Variants in BEGAIN observed in about 807,000 individuals in gnomAD.
BEGAIN encodes the protein brain enriched guanylate kinase associated, also known as brain-enriched guanylate kinase-associated protein.
In BEGAIN, 19 loss-of-function variants were observed where a neutral mutation model predicts 35.8. That is an observed-to-expected ratio of 0.53 (90% CI 0.37 to 0.78). The LOEUF (loss-of-function observed/expected upper bound fraction) is 0.78. Ranked by LOEUF, BEGAIN falls within the 30% of genes least tolerant of loss-of-function variation. The pLI, the probability that BEGAIN is intolerant of heterozygous loss-of-function variation, is 0.00. For synonymous variants in BEGAIN, 462 were observed against 388.6 expected (o/e 1.19, Z -2.22); for missense variants, 795 against 853.6 (o/e 0.93, Z 0.85).
chr14:100,553,673 C>T (rs549696241), intron 2 of BEGAIN, among the ~76,000 whole-genome samples: 51 of 152,270 alleles, frequency 3.3e-4, no homozygotes, highest in African/African-American at 1.2e-3. Context: ...TGCTCAGATG[C>T]CACCTCTTCC....
At chr14:100,550,363 T>C in intron 2 of BEGAIN, 1 of 398,934 alleles carries the variant, frequency 2.5e-6, no homozygotes, top group Non-Finnish European at 4.4e-6. Context: ...ACGGGACAGA[T>C]GTCTGGGGAC....
Position 100,538,226 on chromosome 14 carries a change from G to A in BEGAIN, c.1582C>T (p.Pro528Ser). ...TCGCTGGGTGCATAGCCGGGCAGTG[G>A]GTCAGCCGAGCGGCCGGGACTGAGG... The part of the protein sequence containing the change: ...LSLSPGRSAD[P>S]LPGYAPSEGG... The change falls in exon 7 of 7, where the codon CCA (proline) becomes TCA (serine). Residue 528 changes from proline (P) to serine (S), a missense_variant. Transcript: ENST00000554140. 1 of 1,568,146 alleles carries A rather than the reference G, an allele frequency of 6.4e-7. No individual in the cohort carries two copies. The highest frequency in any genetic ancestry group is 8.6e-7 in the Non-Finnish European group (1 of 1,163,478).
intron 2 of BEGAIN, among the ~76,000 whole-genome samples, chr14:100,550,883 C>G (rs1267950823): frequency 6.6e-6 from 1 of 152,176 alleles, no homozygotes; most frequent in African/African-American, 2.4e-5. Flanking sequence ...GTCAGTTGTT[C>G]CCTGCAGAGC....
intron 2 of BEGAIN, among the ~76,000 whole-genome samples, chr14:100,552,672 G>T (rs1345485075): frequency 6.6e-6 from 1 of 152,228 alleles, no homozygotes; most frequent in Non-Finnish European, 1.5e-5. Context: ...CGTGGAAGGG[G>T]GAATGAGCCA....
intron 1 of BEGAIN, chr14:100,577,579 C>G: frequency 5.0e-6 from 2 of 399,082 alleles, no homozygotes; most frequent in Non-Finnish European, 8.8e-6. Context: ...CTCCAGGGTC[C>G]CAGGGTCCAG....
At chr14:100,571,091 C>T (rs559956656) in intron 1 of BEGAIN, among the ~76,000 whole-genome samples, 6 of 152,292 alleles carry the variant, frequency 3.9e-5, no homozygotes, top group East Asian at 1.9e-4. Context: ...CCTCATGGCA[C>T]AGTCCTTCCC....
chr14:100,544,946 C>T (rs980903953), intron 4 of BEGAIN, 54 bp downstream of exon 4: 31 of 1,572,948 alleles, frequency 2.0e-5, no homozygotes, highest in Non-Finnish European at 2.3e-5. Context: ...CTGGGTGGCT[C>T]CCCCCGGGAA....
At chr14:100,559,741 G>A (rs551185464) in intron 2 of BEGAIN, among the ~76,000 whole-genome samples, 3 of 152,276 alleles carry the variant, frequency 2.0e-5, no homozygotes, top group Non-Finnish European at 2.9e-5. Flanking sequence ...CCCCCTCCAC[G>A]CCCTGGGTCT....
chr14:100,568,428 C>T lies in BEGAIN; in HGVS notation c.43-489G>A. On this transcript the variant is annotated intron_variant, in intron 1 of 6. Coordinates refer to ENST00000554140, the MANE Select transcript of BEGAIN (RefSeq NM_001385089.1). The surrounding 1 kb of genome is among the most constrained non-coding windows in gnomAD (Gnocchi z 7.5). ...GGGAATTCGGGGCCGTGCAGGATTG[C>T]AGAACCTGACACTCACACAATCCGA... 1 of 1,281,904 alleles carries T rather than the reference C, an allele frequency of 7.8e-7. No homozygotes were observed. The highest frequency in any genetic ancestry group is 1.3e-5 in the South Asian group (1 of 79,950). 79.4% of individuals were successfully genotyped at this position (1,281,904 alleles called of 1,614,324 possible).
At position 100,568,336 on chromosome 14, in the gene BEGAIN, G is replaced by C; in HGVS notation, c.43-397C>G. On this transcript the variant is annotated intron_variant, in intron 1 of 6. Coordinates refer to ENST00000554140, the MANE Select transcript of BEGAIN (RefSeq NM_001385089.1). This position sits in a 1 kb window ranked among gnomAD's most constrained non-coding sequence, Gnocchi z 7.5. ...CCCGCCCCGCCCGTTAACCCTTCCT[G>C]CCCCGCGCTCCCTCCCGGAGGAAGC... 2.2e-5 allele frequency: 17 copies of C among 780,582 alleles called. No individual in the cohort carries two copies. The highest frequency in any genetic ancestry group is 5.7e-5 in the South Asian group (3 of 52,184). 48.4% of individuals were successfully genotyped at this position (780,582 alleles called of 1,614,324 possible).
At chr14:100,571,103 G>A (rs1156473718) in intron 1 of BEGAIN, among the ~76,000 whole-genome samples, 3 of 152,142 alleles carry the variant, frequency 2.0e-5, no homozygotes, top group Non-Finnish European at 4.4e-5. Context: ...GTCCTTCCCC[G>A]CCTCTGGGCG....
Position 100,537,925 on chromosome 14 carries a change from G to A in BEGAIN, c.*44C>T, listed in dbSNP as rs2030807010. The stretch of plus-strand genomic sequence containing the variant: ...TGAGGCCGGCCCTTCTGGGGCACGT[G>A]GGCTGGCGGGGAGCGAACCACGGCC... On this transcript the variant is annotated 3_prime_UTR_variant, in exon 7 of 7. Transcript: ENST00000554140. 2 of 1,556,370 alleles carry A rather than the reference G, an allele frequency of 1.3e-6. No homozygotes were observed. The highest frequency in any genetic ancestry group is 1.4e-5 in the African/African-American group (1 of 72,706).
At chr14:100,579,546 C>T (rs574665018) in intron 1 of BEGAIN, among the ~76,000 whole-genome samples, 1 of 152,340 alleles carries the variant, frequency 6.6e-6, no homozygotes, top group South Asian at 2.1e-4. Flanking sequence ...GGCATTACCA[C>T]CATCGCTGGC....
At chr14:100,550,266 T>C (rs530090998) in intron 2 of BEGAIN, among the ~76,000 whole-genome samples, 1 of 152,048 alleles carries the variant, frequency 6.6e-6, no homozygotes, top group Admixed American at 6.5e-5. Flanking sequence ...GATGCTGGGC[T>C]GAGGGCTGTG....
chr14:100,577,982 C>T, intron 1 of BEGAIN: 1 of 399,220 alleles, frequency 2.5e-6, no homozygotes, highest in Non-Finnish European at 4.4e-6. Flanking sequence ...GTCCGGGCTC[C>T]CCAAGAGCGC....
Position 100,568,958 on chromosome 14 carries a change from G to A in BEGAIN, c.43-1019C>T. The stretch of plus-strand genomic sequence containing the variant: ...CGCGCCGGGCGCCGCCGCCGCGTCC[G>A]CCGGGAGCGCGCTCCGCTCGGGTCC... On this transcript the variant is annotated intron_variant, in intron 1 of 6. Coordinates refer to ENST00000554140, the MANE Select transcript of BEGAIN (RefSeq NM_001385089.1). This position sits in a 1 kb window ranked among gnomAD's most constrained non-coding sequence, Gnocchi z 7.5. 1.0e-6 allele frequency: 1 copy of A among 983,248 alleles called. No homozygotes were observed. Among genetic ancestry groups the A allele is most frequent in the Non-Finnish European group, 1.2e-6 (1 of 829,198 alleles). The allele number at this position is 983,248 out of a possible 1,614,324, so 60.9% of individuals were successfully genotyped here. A position where few individuals can be genotyped will look rare whatever the true frequency, so the allele number is the denominator to read the frequency against.
Position 100,539,166 on chromosome 14 carries a change from C to A in BEGAIN, c.642G>T (p.Leu214=). 1 of 1,592,116 alleles carries A rather than the reference C, an allele frequency of 6.3e-7. No homozygotes were observed. The highest frequency in any genetic ancestry group is 1.7e-5 in the Admixed American group (1 of 58,422). The change falls in exon 7 of 7, where the codon CTG becomes CTT. Residue 214 remains leucine, a synonymous_variant. Coordinates refer to ENST00000554140, the MANE Select transcript of BEGAIN (RefSeq NM_001385089.1). Reference sequence around the variant, plus strand: ...CGGAGGCATCGGACAGGCGGGAGGACAGGCTGGCGGGGTCCGGCTTCTCCA... The same window carrying A: ...CGGAGGCATCGGACAGGCGGGAGGAAAGGCTGGCGGGGTCCGGCTTCTCCA... ...KVLEKPDPAS[L]SSRLSDASAR...
Position 100,537,288 on chromosome 14 carries a change from CAG to C in BEGAIN, c.*679_*680del, listed in dbSNP as rs1363788779. The C allele has an allele frequency of 6.5e-6, 1 of 152,720 alleles. No individual in the cohort carries two copies. Among genetic ancestry groups the C allele is most frequent in the Non-Finnish European group, 1.5e-5 (1 of 68,088 alleles). 9.5% of individuals were successfully genotyped at this position (152,720 alleles called of 1,614,324 possible). ...TGTCTGAGGTAGAGTAAGACGGTGT[CAG>C]GGGGCGGACCCGGGGGCGGAGATGA... On this transcript the variant is annotated 3_prime_UTR_variant, in exon 7 of 7. Coordinates refer to ENST00000554140, the MANE Select transcript of BEGAIN (RefSeq NM_001385089.1).
chr14:100,560,483 TG>T (rs1356840422), intron 2 of BEGAIN, among the ~76,000 whole-genome samples: 2 of 152,190 alleles, frequency 1.3e-5, no homozygotes, highest in African/African-American at 4.8e-5. Flanking sequence ...GGCTGGGGCC[TG>T]TGGGGTGTCC....
Sources: gnomAD v4.1 joint callset for allele counts (sites outside exome capture counted in the v4.1 genomes callset) on GRCh38, gnomAD v4.1.1 for gene constraint, Gnocchi (gnomAD v3.1) non-coding constraint, MANE v1.5 for transcripts, NCBI Gene and HGNC (gene_info 2026-07-23, HGNC 2026-07-21) for gene names.